Variants in FARP1 observed in about 807,000 individuals in gnomAD.
FARP1 encodes FERM, ARH/RhoGEF and pleckstrin domain protein 1.
A neutral mutation model predicts 128.8 loss-of-function variants in FARP1; 52 were observed. That is an observed-to-expected ratio of 0.40 (90% CI 0.32 to 0.51). FARP1 has a LOEUF of 0.51. FARP1 is among the 20% of genes least tolerant of loss of function. The pLI is 0.45. For synonymous variants in FARP1, 580 were observed against 551.8 expected, an observed-to-expected ratio of 1.05 and a Z score of -0.72; for missense variants, 1,333 against 1,367.9, an observed-to-expected ratio of 0.97 and a Z score of 0.40.
intron 1 of FARP1, among the ~76,000 whole-genome samples, chr13:98,167,269 T>C (rs1594220134): frequency 6.6e-6 from 1 of 152,176 alleles, no homozygotes; most frequent in Admixed American, 6.5e-5. Context: ...ATGGAGAAAA[T>C]CAGCCCTTTA....
intron 2 of FARP1, among the ~76,000 whole-genome samples, chr13:98,272,061 G>T (rs1399241465): frequency 4.0e-5 from 6 of 148,656 alleles, no homozygotes; most frequent in Non-Finnish European, 6.0e-5. Flanking sequence ...GTGTAGTCTC[G>T]CTCTGTCTCC....
chr13:98,180,963 C>A (rs1328119158), intron 1 of FARP1, among the ~76,000 whole-genome samples: 1 of 152,030 alleles, frequency 6.6e-6, no homozygotes, highest in Non-Finnish European at 1.5e-5. Context: ...TTATGTGTTT[C>A]CTCATTTATA....
chr13:98,416,963 C>T (rs1479030287), intron 16 of FARP1, among the ~76,000 whole-genome samples: 4 of 152,108 alleles, frequency 2.6e-5, no homozygotes, highest in Non-Finnish European at 2.9e-5. Context: ...GCCAGAGTCA[C>T]GTGGAAAGCA....
At chr13:98,210,308 T>A (rs1181155326) in intron 1 of FARP1, among the ~76,000 whole-genome samples, 1 of 151,904 alleles carries the variant, frequency 6.6e-6, no homozygotes, top group Non-Finnish European at 1.5e-5. Flanking sequence ...GGCCTGATGG[T>A]TCATTTTGCT....
At chr13:98,384,920 T>G in intron 7 of FARP1, 76 bp downstream of exon 7, 1 of 830,738 alleles carries the variant, frequency 1.2e-6, no homozygotes, top group Non-Finnish European at 2.1e-6. Context: ...TGTACATCCC[T>G]CCACCCCCCA....
chr13:98,373,735 A>G (rs1889460621), intron 5 of FARP1, among the ~76,000 whole-genome samples: 3 of 152,198 alleles, frequency 2.0e-5, no homozygotes, highest in Admixed American at 6.5e-5. Context: ...GTTCTTAATA[A>G]TAAAATTTCC....
chr13:98,356,621 TTTTATTTATTTA>T (rs141310849), intron 3 of FARP1, among the ~76,000 whole-genome samples: 7 of 144,304 alleles, frequency 4.9e-5, no homozygotes, highest in South Asian at 2.3e-4. Context: ...CCTTTTAAAA[TTTTATTTATTTA>T]TTTATTTATT....
In FARP1 at chr13:98,143,302, G is replaced by A. The variant is rs1430089008; in HGVS notation, c.-214G>A. On this transcript the variant is annotated 5_prime_UTR_variant, in exon 1 of 27. Transcript: ENST00000319562. ...CCCCGCCTGCTCCGCCCTCCCCTCC[G>A]CCCCGCGCCACCTTTGATGGCTCGG... 1 of 138,500 alleles carries A rather than the reference G, an allele frequency of 7.2e-6. No individual in the cohort carries two copies. The highest frequency in any genetic ancestry group is 1.6e-5 in the Non-Finnish European group (1 of 62,694). 8.6% of individuals were successfully genotyped at this position (138,500 alleles called of 1,614,324 possible).
chr13:98,449,916 C>CA lies in FARP1; in HGVS notation c.*1600dup, dbSNP rs2139205750. ...TCCCTATGCTCCCCCCACCTCCAGG[C>CA]AGGGGCAGAGCAAACAAACAGCTCC... On this transcript the variant is annotated 3_prime_UTR_variant, in exon 27 of 27. Coordinates refer to ENST00000319562, the MANE Select transcript of FARP1 (RefSeq NM_005766.4). 1 of 152,474 alleles carries CA rather than the reference C, an allele frequency of 6.6e-6. No individual in the cohort carries two copies. The highest frequency in any genetic ancestry group is 2.1e-4 in the South Asian group (1 of 4,820). 9.4% of individuals were successfully genotyped at this position (152,474 alleles called of 1,614,324 possible). A position where few individuals can be genotyped will look rare whatever the true frequency, so the allele number is the denominator to read the frequency against.
intron 1 of FARP1, among the ~76,000 whole-genome samples, chr13:98,189,580 G>A (rs1186589811): frequency 6.6e-6 from 1 of 152,144 alleles, no homozygotes; most frequent in Non-Finnish European, 1.5e-5. Flanking sequence ...TATGTAAGTT[G>A]TAGGAATAGA....
intron 1 of FARP1, among the ~76,000 whole-genome samples, chr13:98,170,562 T>C (rs945203764): frequency 2.6e-5 from 4 of 152,036 alleles, no homozygotes; most frequent in African/African-American, 7.2e-5. Context: ...TTCACCGTGT[T>C]AGCCAGGATG....
In FARP1 at chr13:98,176,565, C is replaced by T. The variant is rs538170646; in HGVS notation, c.-24+33073C>T. On this transcript the variant is annotated intron_variant, in intron 1 of 26. Coordinates refer to ENST00000319562, the MANE Select transcript of FARP1 (RefSeq NM_005766.4). This position sits in a 1 kb window ranked among gnomAD's most constrained non-coding sequence, Gnocchi z 6.2. The stretch of plus-strand genomic sequence containing the variant: ...CCTCTTCAAGCTCCCGTTCAATCTC[C>T]CACCCGAGCTTGTAATCGGAACGGT... 1.9e-6 allele frequency: 3 copies of T among 1,614,096 alleles called. No homozygotes were observed. The highest frequency in any genetic ancestry group is 1.7e-6 in the Non-Finnish European group (2 of 1,180,040).
At chr13:98,185,913 G>T (rs1878832211) in intron 1 of FARP1, among the ~76,000 whole-genome samples, 1 of 152,022 alleles carries the variant, frequency 6.6e-6, no homozygotes, top group African/African-American at 2.4e-5. Flanking sequence ...GACTAGGCTG[G>T]TCTCGAACTC....
intron 1 of FARP1, among the ~76,000 whole-genome samples, chr13:98,150,169 G>C (rs1199273690): frequency 6.6e-6 from 1 of 152,056 alleles, no homozygotes; most frequent in Non-Finnish European, 1.5e-5. Context: ...CTCCCGAGTA[G>C]CTGAGATTAC....
intron 2 of FARP1, among the ~76,000 whole-genome samples, chr13:98,227,380 C>T (rs1852511001): frequency 6.6e-6 from 1 of 151,524 alleles, no homozygotes; most frequent in Admixed American, 6.6e-5. Context: ...GGGAACATCA[C>T]TAATCATTTA....
intron 5 of FARP1, among the ~76,000 whole-genome samples, chr13:98,371,999 C>T (rs1889351338): frequency 6.6e-6 from 1 of 151,692 alleles, no homozygotes; most frequent in African/African-American, 2.4e-5. Flanking sequence ...ACCCAGACAC[C>T]TAGAAGGAGA....
chr13:98,300,469 G>A lies in FARP1; in HGVS notation c.172-43293G>A, dbSNP rs143400534. Among the ~76,000 whole-genome samples, 28 of 152,286 alleles carry A rather than the reference G, an allele frequency of 1.8e-4. No individual in the cohort carries two copies. The East Asian group carries it at 2.3e-3, about 13-fold the overall frequency. Reference sequence around the variant, plus strand: ...TTGGTTTGGTACCCAGGATGTCCGCGTATTCTTTTTGAGTGGATTGATTTC... The same window carrying A: ...TTGGTTTGGTACCCAGGATGTCCGCATATTCTTTTTGAGTGGATTGATTTC... On this transcript the variant is annotated intron_variant, in intron 2 of 26. Transcript: ENST00000319562.
intron 2 of FARP1, among the ~76,000 whole-genome samples, chr13:98,225,208 G>A (rs1341950684): frequency 6.6e-6 from 1 of 152,156 alleles, no homozygotes. Context: ...TTTTATTAGA[G>A]CTGTTAAACG....
At chr13:98,308,488 C>T (rs1886293432) in intron 2 of FARP1, among the ~76,000 whole-genome samples, 2 of 152,170 alleles carry the variant, frequency 1.3e-5, no homozygotes, top group Admixed American at 6.5e-5. Context: ...AGGCTGGAGC[C>T]GCTGTCCAGG....
Sources: gnomAD v4.1 joint callset for allele counts (sites outside exome capture counted in the v4.1 genomes callset) on GRCh38, gnomAD v4.1.1 for gene constraint, Gnocchi (gnomAD v3.1) non-coding constraint, MANE v1.5 for transcripts, NCBI Gene and HGNC (gene_info 2026-07-23, HGNC 2026-07-21) for gene names.